The following INTS3 variants were observed in gnomAD, a reference collection of about 807,000 sequenced individuals.
The protein encoded by INTS3 is SOSS complex subunit A.
Under a neutral mutation model 146.3 loss-of-function variants are expected in INTS3, and 34 were observed. The ratio of observed to expected loss-of-function variants is 0.23; its 90% confidence interval spans 0.18 to 0.31. The LOEUF (loss-of-function observed/expected upper bound fraction) is 0.31. INTS3 is among the 10% of genes least tolerant of loss of function. The probability of loss-of-function intolerance (pLI) is 1.00; values close to 1 mark genes in which losing one functional copy is unlikely to be tolerated. For synonymous variants in INTS3, 475 were observed against 494.9 expected, an observed-to-expected ratio of 0.96 and a Z score of 0.53; for missense variants, 757 against 1,304.2, an observed-to-expected ratio of 0.58 and a Z score of 6.46.
chr1:153,764,895 T>A (rs1198206663), intron 19 of INTS3, 49 bp from the exon 20 acceptor site: 2 of 1,612,068 alleles, frequency 1.2e-6, no homozygotes, highest in African/African-American at 2.7e-5. Context: ...CATGGGAGAG[T>A]CTGCCCTGGG....
At chr1:153,762,603 G>A (rs1672426544) in intron 14 of INTS3, 125 bp from the exon 15 acceptor site, 2 of 1,166,138 alleles carry the variant, frequency 1.7e-6, no homozygotes, top group Admixed American at 2.4e-5. Flanking sequence ...CCCAGGGTCA[G>A]TATTCCATTT....
At chr1:153,732,665 C>G (rs1045828028) in intron 1 of INTS3, among the ~76,000 whole-genome samples, 1 of 152,060 alleles carries the variant, frequency 6.6e-6, no homozygotes, top group African/African-American at 2.4e-5. Flanking sequence ...CTAGGCTGGT[C>G]TCAAATTCCT....
chr1:153,732,494 G>T (rs1167929329), intron 1 of INTS3, among the ~76,000 whole-genome samples: 1 of 150,644 alleles, frequency 6.6e-6, no homozygotes, highest in Non-Finnish European at 1.5e-5. Context: ...TACCCAGGCT[G>T]TAGTGCAATG....
In INTS3 at chr1:153,772,309, T is replaced by C; in HGVS notation, c.2721-31T>C. ...CTCGCACTCTGGAACCCTCCCACACTCAGACTCTGGCTCTGGTGATTCCTG... is the reference window on the plus strand; with the variant it reads ...CTCGCACTCTGGAACCCTCCCACACCCAGACTCTGGCTCTGGTGATTCCTG... On this transcript the variant is annotated intron_variant, in intron 26 of 29. Transcript: ENST00000318967. The surrounding 1 kb of genome is among the most constrained non-coding windows in gnomAD (Gnocchi z 4.6). 6 of 1,607,384 alleles carry C rather than the reference T, an allele frequency of 3.7e-6. No homozygotes were observed. The highest frequency in any genetic ancestry group is 1.1e-5 in the South Asian group (1 of 90,336).
At chr1:153,742,507 T>TGTGTGTGC (rs1297466558) in intron 3 of INTS3, among the ~76,000 whole-genome samples, 4 of 144,834 alleles carry the variant, frequency 2.8e-5, no homozygotes, top group African/African-American at 1.0e-4. Flanking sequence ...TGTGTGTGTG[T>TGTGTGTGC]GCGTGCGCAT....
intron 11 of INTS3, 133 bp downstream of exon 11, chr1:153,759,746 C>G (rs1268675223): frequency 1.2e-5 from 8 of 663,074 alleles, no homozygotes; most frequent in Admixed American, 7.5e-5. Flanking sequence ...CTCTGTTGTT[C>G]CTCATCAGTT....
chr1:153,766,209 C>T (rs1250570031), intron 20 of INTS3, among the ~76,000 whole-genome samples: 1 of 150,530 alleles, frequency 6.6e-6, no homozygotes, highest in Non-Finnish European at 1.5e-5. Context: ...GCAACCTCCG[C>T]TTCCCAGGTT....
In INTS3 at chr1:153,774,737, TG is replaced by T; in HGVS notation, c.*1469del. The T allele has an allele frequency of 4.5e-6, 1 of 224,098 alleles. No individual in the cohort carries two copies. Among genetic ancestry groups the T allele is most frequent in the Non-Finnish European group, 8.9e-6 (1 of 112,918 alleles). The allele number at this position is 224,098 out of a possible 1,614,324, so 13.9% of individuals were successfully genotyped here. A position where few individuals can be genotyped will look rare whatever the true frequency, so the allele number is the denominator to read the frequency against. On this transcript the variant is annotated 3_prime_UTR_variant, in exon 30 of 30. Transcript: ENST00000318967. ...TGCTTCCTTTGAAAGTCTAAACCACTGGAGGCTTCTTTTTCCTTCCTCTCTC... is the reference window on the plus strand; with the variant it reads ...TGCTTCCTTTGAAAGTCTAAACCACTGAGGCTTCTTTTTCCTTCCTCTCTC...
At chr1:153,766,009 T>C (rs2101823952) in intron 20 of INTS3, among the ~76,000 whole-genome samples, 1 of 152,318 alleles carries the variant, frequency 6.6e-6, no homozygotes, top group South Asian at 2.1e-4. Context: ...CACCCAGCTC[T>C]TGGCAACCAC....
chr1:153,732,177 A>G (rs1004458183), intron 1 of INTS3, among the ~76,000 whole-genome samples: 1 of 152,052 alleles, frequency 6.6e-6, no homozygotes, highest in African/African-American at 2.4e-5. Flanking sequence ...TGCTGGGATT[A>G]CAGGCATGAG....
chr1:153,739,665 C>T (rs1018602718), intron 1 of INTS3, among the ~76,000 whole-genome samples: 3 of 151,272 alleles, frequency 2.0e-5, no homozygotes, highest in Non-Finnish European at 1.5e-5. Context: ...GACAGGGTTT[C>T]ACCATATTGG....
At chr1:153,762,601 C>A in intron 14 of INTS3, 127 bp from the exon 15 acceptor site, 1 of 1,141,448 alleles carries the variant, frequency 8.8e-7, no homozygotes, top group Non-Finnish European at 1.2e-6. Flanking sequence ...CTCCCAGGGT[C>A]AGTATTCCAT....
rs960462599 is a variant in INTS3 at position 153,757,305 on chromosome 1, C to G, written c.958-267C>G. Among the ~76,000 whole-genome samples the G allele has an allele frequency of 2.8e-4, 42 of 152,224 alleles. No homozygotes were observed. Among genetic ancestry groups the G allele is most frequent in the Admixed American group, 5.2e-4 (8 of 15,298 alleles). ...AGAGCCAAAAACTGGACTGAAGTTG[C>G]AGTTGGGGGTAAATGTAGCCTGAGG... On this transcript the variant is annotated intron_variant, in intron 9 of 29. Transcript: ENST00000318967. This position sits in a 1 kb window ranked among gnomAD's most constrained non-coding sequence, Gnocchi z 4.0.
chr1:153,772,981 C>T lies in INTS3; in HGVS notation c.2951C>T (p.Pro984Leu). The T allele has an allele frequency of 1.2e-6, 2 of 1,614,174 alleles. No homozygotes were observed. The highest frequency in any genetic ancestry group is 1.7e-6 in the Non-Finnish European group (2 of 1,180,038). Residue 984 changes from proline to leucine, a missense_variant, in exon 29 of 30, where the codon CCC (proline) becomes CTC (leucine). By Grantham distance (98) the Pro-to-Leu change is moderately conservative. Around this residue, in one of 8 missense-constraint regions of INTS3, gnomAD observed 125 missense variants for 165.6 expected, o/e 0.75. Transcript: ENST00000318967. The surrounding 1 kb of genome is among the most constrained non-coding windows in gnomAD (Gnocchi z 4.6). Reference protein sequence around the residue: ...EEYEDSSTKPPKSRRKAALSS... With the variant: ...EEYEDSSTKPLKSRRKAALSS... ...TATGAGGACTCTTCCACCAAGCCAC[C>T]CAAGAGCCGGCGAAAAGCAGCTCTG...
intron 20 of INTS3, among the ~76,000 whole-genome samples, chr1:153,765,428 T>C (rs1323907609): frequency 1.3e-5 from 2 of 152,092 alleles, no homozygotes; most frequent in African/African-American, 4.8e-5. Context: ...TGGGCTCAAG[T>C]GATGGTCCTG....
rs1323975329 is a variant in INTS3 at position 153,773,918 on chromosome 1, A to G, written c.*648A>G. 1.8e-5 allele frequency: 3 copies of G among 166,510 alleles called. No homozygotes were observed. Among genetic ancestry groups the G allele is most frequent in the African/African-American group, 4.8e-5 (2 of 41,246 alleles). The allele number at this position is 166,510 out of a possible 1,614,324, so 10.3% of individuals were successfully genotyped here. On this transcript the variant is annotated 3_prime_UTR_variant, in exon 30 of 30. Coordinates refer to ENST00000318967, the MANE Select transcript of INTS3 (RefSeq NM_023015.5). ...GTCTGAGGTTGGCACCTCAATCTAC[A>G]CCAGAGCCCAGGGAGTCCCAGAGGC...
rs753231397 is a variant in INTS3 at position 153,760,294 on chromosome 1, A to AATT, written c.1238-16_1238-14dup. The AATT allele has an allele frequency of 2.4e-5, 36 of 1,500,774 alleles. No individual in the cohort carries two copies. The highest frequency in any genetic ancestry group is 3.2e-5 in the Non-Finnish European group (34 of 1,079,098). 93.0% of individuals were successfully genotyped at this position (1,500,774 alleles called of 1,614,324 possible). A position where few individuals can be genotyped will look rare whatever the true frequency, so the allele number is the denominator to read the frequency against. On this transcript the variant is annotated splice_polypyrimidine_tract_variant and intron_variant, in intron 11 of 29. Transcript: ENST00000318967. ...GACTGACTGATGTGAGGGGCTCTTT[A>AATT]ATTTCACATCCTCCAGAACCAGCCA... is the stretch of plus-strand genomic sequence containing the variant.
intron 1 of INTS3, among the ~76,000 whole-genome samples, chr1:153,739,038 C>T (rs1321944454): frequency 6.6e-6 from 1 of 151,746 alleles, no homozygotes; most frequent in Non-Finnish European, 1.5e-5. Flanking sequence ...GGATTATAGG[C>T]GCCTGCCACC....
At chr1:153,761,770 T>C in intron 14 of INTS3, 94 bp downstream of exon 14, 1 of 707,716 alleles carries the variant, frequency 1.4e-6, no homozygotes, top group Non-Finnish European at 2.5e-6. Flanking sequence ...TCCCACACAG[T>C]TCTCCACTTC....
Sources: allele counts gnomAD v4.1 joint callset (sites outside exome capture counted in the v4.1 genomes callset), GRCh38; gene constraint gnomAD v4.1.1; regional missense constraint gnomAD v4.1.1; non-coding constraint Gnocchi (gnomAD v3.1); transcripts MANE v1.5; gene names NCBI Gene and HGNC (gene_info 2026-07-23, HGNC 2026-07-21).